Variants in MAGI1 observed in about 807,000 individuals in gnomAD.
The protein encoded by MAGI1 is membrane-associated guanylate kinase, WW and PDZ domain-containing protein 1.
Under a neutral mutation model 139.9 loss-of-function variants are expected in MAGI1, and 58 were observed. The ratio of observed to expected loss-of-function variants is 0.41; its 90% CI spans 0.34 to 0.52. The LOEUF (loss-of-function observed/expected upper bound fraction) is 0.52. Among genes scored for constraint, MAGI1 ranks in the 20% least tolerant of loss-of-function variants. The pLI is 0.12. For synonymous variants in MAGI1, 812 were observed against 737.9 expected (o/e 1.10, Z -1.63); for missense variants, 1,874 against 1,901.6 (o/e 0.99, Z 0.27).
chr3:65,664,917 G>A (rs2086416629), intron 1 of MAGI1, among the ~76,000 whole-genome samples: 1 of 152,068 alleles, frequency 6.6e-6, no homozygotes, highest in African/African-American at 2.4e-5. Context: ...GTGTTTCTAA[G>A]TGCAAGAAGG....
intron 1 of MAGI1, among the ~76,000 whole-genome samples, chr3:65,789,843 A>G (rs1206260561): frequency 3.9e-5 from 6 of 152,216 alleles, no homozygotes; most frequent in Admixed American, 2.6e-4. Flanking sequence ...CTTGAGCAAT[A>G]TGCAATCTCA....
At chr3:65,819,209 G>A (rs1366080448) in intron 1 of MAGI1, among the ~76,000 whole-genome samples, 3 of 152,066 alleles carry the variant, frequency 2.0e-5, no homozygotes, top group African/African-American at 7.2e-5. Flanking sequence ...ACTTGAACCT[G>A]GGAGGCGGAG....
intron 1 of MAGI1, among the ~76,000 whole-genome samples, chr3:66,032,356 G>A (rs563146770): frequency 1.7e-4 from 25 of 145,876 alleles, no homozygotes; most frequent in Middle Eastern, 3.7e-3. Context: ...GATTACAGGC[G>A]CCCACCACCA....
intron 7 of MAGI1, among the ~76,000 whole-genome samples, chr3:65,447,748 CA>C (rs1364560386): frequency 6.6e-6 from 1 of 152,220 alleles, no homozygotes; most frequent in Non-Finnish European, 1.5e-5. Context: ...CCTCACTTTA[CA>C]AGACTACCCA....
rs1044539333 is a variant in MAGI1 at position 65,498,619 on chromosome 3, G to A, written c.431-4988C>T. On this transcript the variant is annotated intron_variant, in intron 2 of 22. Transcript: ENST00000402939. ...TTATTGATGAAGAAGCTCAGACTCA[G>A]AGAAGTAACCTGCCCAAGGTCACAT... is the stretch of plus-strand genomic sequence containing the variant. Among the ~76,000 whole-genome samples, 10 of 152,274 alleles carry A rather than the reference G, an allele frequency of 6.6e-5. 1 individual carries two copies. Among genetic ancestry groups the A allele is most frequent in the Admixed American group, 6.5e-4 (10 of 15,296 alleles).
chr3:65,730,487 T>C (rs186832588), intron 1 of MAGI1, among the ~76,000 whole-genome samples: 32 of 152,338 alleles, frequency 2.1e-4, no homozygotes, highest in African/African-American at 6.3e-4. Flanking sequence ...TCTCTTCTAC[T>C]TCCCCTCACG....
At chr3:65,522,658 C>T (rs925196223) in intron 2 of MAGI1, among the ~76,000 whole-genome samples, 2 of 152,164 alleles carry the variant, frequency 1.3e-5, no homozygotes, top group Non-Finnish European at 2.9e-5. Context: ...ACCTCCTCAT[C>T]GTTTCTTCCC....
At chr3:65,731,168 G>A (rs1436441887) in intron 1 of MAGI1, among the ~76,000 whole-genome samples, 1 of 152,086 alleles carries the variant, frequency 6.6e-6, no homozygotes, top group Admixed American at 6.6e-5. Flanking sequence ...GTAAAAGGCT[G>A]AACTTACAAA....
intron 12 of MAGI1, among the ~76,000 whole-genome samples, chr3:65,419,868 A>C (rs1261955962): frequency 1.3e-5 from 2 of 152,082 alleles, no homozygotes; most frequent in Non-Finnish European, 2.9e-5. Context: ...GGGGACAGAG[A>C]CTGTAGGGCC....
chr3:65,668,918 T>C (rs1261954198), intron 1 of MAGI1, among the ~76,000 whole-genome samples: 1 of 151,890 alleles, frequency 6.6e-6, no homozygotes, highest in Non-Finnish European at 1.5e-5. Flanking sequence ...TTGTCTTTTT[T>C]TACATTATCT....
chr3:65,459,673 A>C (rs1949644400), intron 5 of MAGI1, among the ~76,000 whole-genome samples: 1 of 152,186 alleles, frequency 6.6e-6, no homozygotes. Flanking sequence ...GGAACAGCTC[A>C]GCACTTTGGG....
chr3:66,018,615 C>G (rs2067795973), intron 1 of MAGI1, among the ~76,000 whole-genome samples: 1 of 152,186 alleles, frequency 6.6e-6, no homozygotes, highest in Non-Finnish European at 1.5e-5. Context: ...TCATGATCAC[C>G]ATCCCTTGTG....
chr3:65,571,577 G>T (rs1053770045), intron 2 of MAGI1, among the ~76,000 whole-genome samples: 6 of 151,768 alleles, frequency 4.0e-5, no homozygotes, highest in Non-Finnish European at 5.9e-5. Context: ...CAGAAAAAGC[G>T]ATAAGCAACC....
intron 1 of MAGI1, among the ~76,000 whole-genome samples, chr3:65,731,235 GA>G (rs2034155254): frequency 6.6e-6 from 1 of 152,084 alleles, no homozygotes; most frequent in Non-Finnish European, 1.5e-5. Flanking sequence ...GCAAATATGG[GA>G]ATGTTTGTTT....
Position 65,832,772 on chromosome 3 carries a change from C to T in MAGI1, c.313+205224G>A, listed in dbSNP as rs146490404. Among the ~76,000 whole-genome samples, 544 of 152,242 alleles carry T rather than the reference C, an allele frequency of 3.6e-3. 1 individual carries two copies. The highest frequency in any genetic ancestry group is 6.3e-3 in the Non-Finnish European group (430 of 68,018). On this transcript the variant is annotated intron_variant, in intron 1 of 22. Transcript: ENST00000402939. ...GACTACCCATCAGGCAAAGCATCTG[C>T]CTTCAATCTAACCATCATGGTCTCT... is the stretch of plus-strand genomic sequence containing the variant.
intron 2 of MAGI1, among the ~76,000 whole-genome samples, chr3:65,525,049 C>A (rs749891509): frequency 2.6e-5 from 4 of 152,136 alleles, no homozygotes; most frequent in Non-Finnish European, 5.9e-5. Context: ...TCTCCTCTCC[C>A]CTTGGCTCCA....
intron 13 of MAGI1, among the ~76,000 whole-genome samples, chr3:65,394,511 C>T (rs989945495): frequency 6.6e-6 from 1 of 152,190 alleles, no homozygotes; most frequent in Admixed American, 6.5e-5. Context: ...ACACAATAAT[C>T]TGGAAGCTTT....
Position 65,885,397 on chromosome 3 carries a change from CA to C in MAGI1, c.313+152598del, listed in dbSNP as rs200832799. Among the ~76,000 whole-genome samples the C allele has an allele frequency of 5.4e-3, 688 of 127,388 alleles. 6 individuals carry two copies. Among genetic ancestry groups the C allele is most frequent in the East Asian group, 0.022 (98 of 4,534 alleles). The allele number at this position is 127,388 out of a possible 152,430, so 83.6% of individuals were successfully genotyped here. ...GGGCAAGAAGAGCAAAACTCTGTCTCAAAAAAAAAAAAAATAGTTTTCACAT... is the reference window on the plus strand; with the variant it reads ...GGGCAAGAAGAGCAAAACTCTGTCTCAAAAAAAAAAAAATAGTTTTCACAT... On this transcript the variant is annotated intron_variant, in intron 1 of 22. Coordinates refer to ENST00000402939, the MANE Select transcript of MAGI1 (RefSeq NM_001033057.2).
intron 1 of MAGI1, among the ~76,000 whole-genome samples, chr3:65,843,271 AC>A (rs2058871648): frequency 6.6e-6 from 1 of 152,150 alleles, no homozygotes; most frequent in Non-Finnish European, 1.5e-5. Context: ...CAAGAGGTCC[AC>A]GGAATAAGGG....
Sources: gnomAD v4.1 joint callset for allele counts (sites outside exome capture counted in the v4.1 genomes callset) on GRCh38, gnomAD v4.1.1 for gene constraint, MANE v1.5 for transcripts, NCBI Gene and HGNC (gene_info 2026-07-23, HGNC 2026-07-21) for gene names.